The following SEPTIN7 variants were observed in gnomAD, a reference collection of about 807,000 sequenced individuals.
SEPTIN7 encodes septin 7, also known as septin-7.
SEPTIN7 carries 10 observed loss-of-function variants against 63.3 expected under a neutral mutation model. The observed-to-expected ratio is 0.16, with a 90% CI of 0.10 to 0.27. The LOEUF (loss-of-function observed/expected upper bound fraction) is 0.27, where lower values mean the gene tolerates loss of function less well. Ranked by LOEUF, SEPTIN7 falls within the 10% of genes least tolerant of loss-of-function variation. The pLI is 1.00. For missense variants in SEPTIN7, 310 were observed against 521.0 expected (o/e 0.59, Z 3.94); for synonymous variants, 131 against 165.3 (o/e 0.79, Z 1.59).
At chr7:35,873,905 A>G (rs554393922) in intron 6 of SEPTIN7, 130 bp downstream of exon 6, 27 of 820,374 alleles carry the variant, frequency 3.3e-5, no homozygotes, top group Non-Finnish European at 4.9e-5. Context: ...ACTAAATTTC[A>G]TGTAGAAATG....
chr7:35,885,908 T>G (rs754474803), intron 10 of SEPTIN7, 29 bp downstream of exon 10: 4 of 1,489,464 alleles, frequency 2.7e-6, no homozygotes, highest in Non-Finnish European at 3.7e-6. Context: ...GGAAATAGCA[T>G]AAGATTTTCT....
At chr7:35,824,717 A>G (rs1783413122) in intron 1 of SEPTIN7, among the ~76,000 whole-genome samples, 1 of 152,180 alleles carries the variant, frequency 6.6e-6, no homozygotes, top group African/African-American at 2.4e-5. Context: ...CTAACCTAGC[A>G]TTGTCCAATA....
chr7:35,820,555 T>TA (rs1374390175), intron 1 of SEPTIN7, among the ~76,000 whole-genome samples: 1 of 152,188 alleles, frequency 6.6e-6, no homozygotes, highest in African/African-American at 2.4e-5. Flanking sequence ...TTATATTTTT[T>TA]AACTCCAGAA....
chr7:35,858,975 C>G (rs1367566471), intron 3 of SEPTIN7, among the ~76,000 whole-genome samples: 1 of 152,186 alleles, frequency 6.6e-6, no homozygotes, highest in Non-Finnish European at 1.5e-5. Context: ...CCACCACACC[C>G]TGCCGTTTCT....
chr7:35,806,031 A>G (rs1489192903), intron 1 of SEPTIN7, among the ~76,000 whole-genome samples: 1 of 152,182 alleles, frequency 6.6e-6, no homozygotes, highest in Non-Finnish European at 1.5e-5. Context: ...TCATCGTGCT[A>G]AGATGCCAGC....
intron 3 of SEPTIN7, among the ~76,000 whole-genome samples, chr7:35,855,894 TTATCCA>T (rs1244889656): frequency 1.3e-5 from 2 of 152,222 alleles, no homozygotes; most frequent in Non-Finnish European, 2.9e-5. Flanking sequence ...AGCGCTTGAT[TTATCCA>T]TATCCAAAAG....
chr7:35,880,218 CTTTTCTTTTTTTTTTTTTTTTT>C (rs1786766629), intron 7 of SEPTIN7, among the ~76,000 whole-genome samples: 1 of 91,482 alleles, frequency 1.1e-5, no homozygotes, highest in South Asian at 3.4e-4. Flanking sequence ...CTTTTTTTTT[CTTTTCTTTTTTTTTTTTTTTTT>C]TTTGAATTAT....
At chr7:35,885,031 T>A (rs78377105) in intron 9 of SEPTIN7, among the ~76,000 whole-genome samples, 1 of 151,926 alleles carries the variant, frequency 6.6e-6, no homozygotes, top group Non-Finnish European at 1.5e-5. Context: ...TTTTTTTTTT[T>A]AAGAGACAAG....
intron 3 of SEPTIN7, among the ~76,000 whole-genome samples, chr7:35,860,259 C>G (rs1178390121): frequency 6.6e-6 from 1 of 152,032 alleles, no homozygotes; most frequent in African/African-American, 2.4e-5. Flanking sequence ...TGCTCTGTCC[C>G]TCTTTTATGT....
chr7:35,832,328 GATTTC>G (rs1365570111), intron 2 of SEPTIN7, among the ~76,000 whole-genome samples: 15 of 151,996 alleles, frequency 9.9e-5, no homozygotes, highest in Non-Finnish European at 2.2e-4. Context: ...TCAACATTTT[GATTTC>G]ATTTCATGAA....
chr7:35,883,777 C>G (rs899425192), intron 8 of SEPTIN7, 114 bp from the exon 9 acceptor site: 2 of 545,102 alleles, frequency 3.7e-6, no homozygotes, highest in Non-Finnish European at 6.3e-6. Flanking sequence ...CAGAAACTAT[C>G]GAAAGTAAAT....
In SEPTIN7 at chr7:35,881,776, T is replaced by C. The variant is rs189854876; in HGVS notation, c.631-708T>C. The stretch of plus-strand genomic sequence containing the variant: ...TAGTTGAAAATTATTTGGATGTCTG[T>C]ATTCTGTTTAGAATTGGAGTGATTT... On this transcript the variant is annotated intron_variant, in intron 7 of 13. Coordinates refer to ENST00000350320, the MANE Select transcript of SEPTIN7 (RefSeq NM_001788.6). Among the ~76,000 whole-genome samples, 4 of 152,112 alleles carry C rather than the reference T, an allele frequency of 2.6e-5. No individual in the cohort carries two copies. In the East Asian group the frequency reaches 7.7e-4, roughly 29 times the overall value.
At chr7:35,854,051 G>A (rs1346437857) in intron 3 of SEPTIN7, among the ~76,000 whole-genome samples, 2 of 152,124 alleles carry the variant, frequency 1.3e-5, no homozygotes, top group Non-Finnish European at 2.9e-5. Context: ...GAGTGCTGAC[G>A]TGATGCTCAA....
At chr7:35,872,874 A>G in intron 5 of SEPTIN7, 108 bp downstream of exon 5, 1 of 714,444 alleles carries the variant, frequency 1.4e-6, no homozygotes, top group Admixed American at 2.3e-5. Context: ...AAGGTCACCA[A>G]ACTTCAAGCA....
At chr7:35,852,149 C>T (rs1394577590) in intron 3 of SEPTIN7, among the ~76,000 whole-genome samples, 6 of 152,118 alleles carry the variant, frequency 3.9e-5, no homozygotes, top group Non-Finnish European at 1.5e-5. Flanking sequence ...GTCCACTGTG[C>T]CAAGGTATGA....
intron 11 of SEPTIN7, 108 bp downstream of exon 11, chr7:35,890,901 A>G: frequency 1.1e-6 from 1 of 946,376 alleles, no homozygotes; most frequent in East Asian, 3.2e-5. Context: ...AATTTGGATA[A>G]TGTTCTTTAT....
At chr7:35,880,223 CTTTTTTTTTT>C in intron 7 of SEPTIN7, among the ~76,000 whole-genome samples, 1 of 72,788 alleles carries the variant, frequency 1.4e-5, no homozygotes, top group South Asian at 4.6e-4. Flanking sequence ...TTTTTCTTTT[CTTTTTTTTTT>C]TTTTTTTTTT....
intron 1 of SEPTIN7, among the ~76,000 whole-genome samples, chr7:35,823,319 A>G (rs1316125620): frequency 6.6e-6 from 1 of 152,130 alleles, no homozygotes; most frequent in Non-Finnish European, 1.5e-5. Flanking sequence ...CTCCTGCTTC[A>G]GCCTCCCAAG....
intron 4 of SEPTIN7, among the ~76,000 whole-genome samples, chr7:35,867,836 G>A (rs561710810): frequency 6.6e-6 from 1 of 150,898 alleles, no homozygotes; most frequent in Admixed American, 6.6e-5. Context: ...AAACTACGCT[G>A]CTCCCCTTTG....
Sources: allele counts gnomAD v4.1 joint callset (sites outside exome capture counted in the v4.1 genomes callset), GRCh38; gene constraint gnomAD v4.1.1; transcripts MANE v1.5; gene names NCBI Gene and HGNC (gene_info 2026-07-23, HGNC 2026-07-21).